Variants in NT5C2 observed in about 807,000 individuals in gnomAD.
NT5C2 encodes cytosolic purine 5'-nucleotidase.
Under a neutral mutation model 76.1 loss-of-function variants are expected in NT5C2, and 58 were observed. The observed-to-expected ratio is 0.76, with a 90% CI of 0.62 to 0.95. NT5C2 has a LOEUF of 0.95. NT5C2 is among the 40% of genes least tolerant of loss of function. The pLI is 0.00. For missense variants in NT5C2, 478 were observed against 690.3 expected (o/e 0.69, Z 3.45); for synonymous variants, 229 against 237.4 (o/e 0.96, Z 0.32).
chr10:103,181,966 C>T (rs1012254315), intron 1 of NT5C2, among the ~76,000 whole-genome samples: 7 of 151,076 alleles, frequency 4.6e-5, no homozygotes, highest in South Asian at 2.1e-4. Context: ...GCTGAGACTG[C>T]GCCACTGCAC....
intron 3 of NT5C2, among the ~76,000 whole-genome samples, chr10:103,169,793 C>CAACAT (rs1176917095): frequency 6.6e-6 from 1 of 151,896 alleles, no homozygotes; most frequent in African/African-American, 2.4e-5. Context: ...CCAGCTTGGA[C>CAACAT]AACATAGTGA....
At chr10:103,169,244 T>C (rs1283360286) in intron 3 of NT5C2, 1 of 152,226 alleles carries the variant, frequency 6.6e-6, no homozygotes, top group Non-Finnish European at 1.5e-5. Context: ...ACAATTTTTG[T>C]CAATGTTTAA....
At chr10:103,146,093 G>A in intron 3 of NT5C2, 1 of 985,346 alleles carries the variant, frequency 1.0e-6, no homozygotes, top group Non-Finnish European at 1.2e-6. Context: ...AGTTCTTGAA[G>A]TCACATAACA....
At chr10:103,110,118 T>G (rs1465985743) in intron 4 of NT5C2, among the ~76,000 whole-genome samples, 1 of 152,142 alleles carries the variant, frequency 6.6e-6, no homozygotes, top group Non-Finnish European at 1.5e-5. Context: ...AAGCCAAAAT[T>G]TAGGTCTCTT....
chr10:103,089,577 C>G lies in NT5C2; in HGVS notation c.*95G>C. On this transcript the variant is annotated 3_prime_UTR_variant, in exon 19 of 19. Coordinates refer to ENST00000404739, the MANE Select transcript of NT5C2 (RefSeq NM_001351169.2). Reference sequence around the variant, plus strand: ...GACGTACCTTTCATGGAGCCCCCTCCCTCCCCCGAGTAGAACCCTAACAGG... The same window carrying G: ...GACGTACCTTTCATGGAGCCCCCTCGCTCCCCCGAGTAGAACCCTAACAGG... 7.0e-7 allele frequency: 1 copy of G among 1,430,890 alleles called. No individual in the cohort carries two copies. The highest frequency in any genetic ancestry group is 9.2e-7 in the Non-Finnish European group (1 of 1,090,420). The allele number at this position is 1,430,890 out of a possible 1,614,324, so 88.6% of individuals were successfully genotyped here. A position where few individuals can be genotyped will look rare whatever the true frequency, so the allele number is the denominator to read the frequency against.
At position 103,089,861 on chromosome 10, in the gene NT5C2, C is replaced by T; in HGVS notation, c.1497G>A (p.Glu499=). Residue 499 remains glutamate (E), a synonymous_variant, in exon 19 of 19, where the codon GAG becomes GAA. Transcript: ENST00000404739. ...TCCGGGTGGCAAGAGGAGACTCCAT[C>T]TCATTGATATCTACGTGTGTGTGCT... ...TVEHTHVDIN[E]MESPLATRNR... The T allele has an allele frequency of 6.2e-7, 1 of 1,613,912 alleles. No individual in the cohort carries two copies.
chr10:103,093,528 C>A (rs1437825136), intron 14 of NT5C2, among the ~76,000 whole-genome samples: 1 of 152,184 alleles, frequency 6.6e-6, no homozygotes, highest in Admixed American at 6.5e-5. Flanking sequence ...AATCCAAGAG[C>A]AACAAAACTA....
At chr10:103,143,272 T>C (rs1213146754) in intron 3 of NT5C2, among the ~76,000 whole-genome samples, 1 of 152,086 alleles carries the variant, frequency 6.6e-6, no homozygotes, top group African/African-American at 2.4e-5. Flanking sequence ...AAGCCTGGGC[T>C]GGGCTCCCCC....
At chr10:103,128,987 A>C (rs80155699) in intron 4 of NT5C2, among the ~76,000 whole-genome samples, 1 of 97,642 alleles carries the variant, frequency 1.0e-5, no homozygotes, top group African/African-American at 3.9e-5. Context: ...GGGGGGGTCA[A>C]CCCCCCGCCC....
intron 1 of NT5C2, among the ~76,000 whole-genome samples, chr10:103,190,853 A>T (rs2092581745): frequency 6.6e-6 from 1 of 152,220 alleles, no homozygotes; most frequent in Non-Finnish European, 1.5e-5. Context: ...ATTGTTGACT[A>T]CCGGGGCACA....
intron 4 of NT5C2, among the ~76,000 whole-genome samples, chr10:103,127,954 A>G (rs2076982260): frequency 6.6e-6 from 1 of 151,946 alleles, no homozygotes; most frequent in Non-Finnish European, 1.5e-5. Flanking sequence ...TCAGCCTCCC[A>G]AAGTGCTGGG....
intron 2 of NT5C2, among the ~76,000 whole-genome samples, chr10:103,177,498 G>A (rs1057453713): frequency 3.3e-5 from 5 of 152,096 alleles, no homozygotes; most frequent in African/African-American, 1.2e-4. Flanking sequence ...CATCGTTTAT[G>A]ACATGAAGTC....
rs1219222884 is a variant in NT5C2 at position 103,106,613 on chromosome 10, G to C, written c.269C>G (p.Ala90Gly). The change falls in exon 5 of 19, where the codon GCT becomes GGT. Residue 90 changes from alanine to glycine, a missense_variant. Coordinates refer to ENST00000404739, the MANE Select transcript of NT5C2 (RefSeq NM_001351169.2). ...CCTGGTAGGGAATGTAGAATCATAA[G>C]CAAAGCTGAGCAACTCCTGGGGATA... ...IGYPQELLSF[A>G]YDSTFPTRGL... The C allele has an allele frequency of 6.2e-7, 1 of 1,611,998 alleles. No homozygotes were observed. Among genetic ancestry groups the C allele is most frequent in the Non-Finnish European group, 8.5e-7 (1 of 1,178,172 alleles).
In NT5C2 at chr10:103,152,447, A is replaced by G. The variant is rs1488415182; in HGVS notation, c.102-12968T>C. ...GCCAATTTTATTTTGTTCATAATCA[A>G]TACATGATTAGATTAAAATAAGTTG... On this transcript the variant is annotated intron_variant, in intron 3 of 18. Coordinates refer to ENST00000404739, the MANE Select transcript of NT5C2 (RefSeq NM_001351169.2). Among the ~76,000 whole-genome samples, 3 of 152,330 alleles carry G rather than the reference A, an allele frequency of 2.0e-5. No individual in the cohort carries two copies. In the East Asian group the frequency reaches 5.8e-4, roughly 29 times the overall value.
intron 4 of NT5C2, among the ~76,000 whole-genome samples, chr10:103,122,784 G>A (rs150389651): frequency 1.9e-4 from 29 of 152,300 alleles, no homozygotes; most frequent in Admixed American, 1.4e-3. Context: ...ACCCAGGGAC[G>A]CAGCAAAGAA....
intron 4 of NT5C2, among the ~76,000 whole-genome samples, chr10:103,129,107 C>A (rs1201425964): frequency 7.8e-6 from 1 of 128,964 alleles, no homozygotes; most frequent in East Asian, 2.7e-4. Flanking sequence ...GCCAGCCGTG[C>A]CGTCCGGGAG....
chr10:103,097,850 C>A (rs939699331), intron 10 of NT5C2: 4 of 359,114 alleles, frequency 1.1e-5, no homozygotes, highest in Non-Finnish European at 2.1e-5. Flanking sequence ...CCTAGAAATA[C>A]CCACACCCAC....
At chr10:103,145,946 A>G (rs2081401961) in intron 3 of NT5C2, 1 of 415,674 alleles carries the variant, frequency 2.4e-6, no homozygotes, top group African/African-American at 2.2e-5. Context: ...ACACTTAAGT[A>G]ACATGAACAT....
chr10:103,093,614 T>A, intron 14 of NT5C2: 1 of 359,560 alleles, frequency 2.8e-6, no homozygotes, highest in Admixed American at 4.3e-5. Context: ...TAAGCTGGCT[T>A]TACTCAACTG....
Sources: gnomAD v4.1 joint callset for allele counts (sites outside exome capture counted in the v4.1 genomes callset) on GRCh38, gnomAD v4.1.1 for gene constraint, MANE v1.5 for transcripts, NCBI Gene and HGNC (gene_info 2026-07-23, HGNC 2026-07-21) for gene names.